The following BMPR1B variants were observed in gnomAD, a reference collection of about 807,000 sequenced individuals.
The protein encoded by BMPR1B is bone morphogenetic protein receptor type-1B.
BMPR1B carries 12 observed loss-of-function variants against 59.1 expected under a neutral mutation model. That is an observed-to-expected ratio of 0.20 (90% CI 0.13 to 0.33). BMPR1B has a LOEUF of 0.33. BMPR1B is among the 10% of genes least tolerant of loss of function. The pLI, the probability that BMPR1B is intolerant of heterozygous loss-of-function variation, is 1.00. For synonymous variants in BMPR1B, 237 were observed against 207.3 expected, an observed-to-expected ratio of 1.14 and a Z score of -1.23; for missense variants, 550 against 610.9, an observed-to-expected ratio of 0.90 and a Z score of 1.05.
At chr4:95,106,964 C>T (rs946379405) in intron 4 of BMPR1B, among the ~76,000 whole-genome samples, 1 of 151,606 alleles carries the variant, frequency 6.6e-6, no homozygotes, top group Non-Finnish European at 1.5e-5. Flanking sequence ...CTACCCAAGG[C>T]ATATTGTTTC....
chr4:94,960,097 CT>C (rs11326735), intron 2 of BMPR1B, among the ~76,000 whole-genome samples: 4,410 of 152,170 alleles, frequency 0.029, 202 homozygotes, highest in African/African-American at 0.1. Context: ...GCTTTTGTCT[CT>C]TTTTACCAAT....
At chr4:94,957,002 G>A (rs962271962) in intron 2 of BMPR1B, among the ~76,000 whole-genome samples, 15 of 152,158 alleles carry the variant, frequency 9.9e-5, no homozygotes, top group Admixed American at 7.9e-4. Context: ...CTTTTAAATT[G>A]TAGATTACTA....
intron 3 of BMPR1B, among the ~76,000 whole-genome samples, chr4:95,069,606 C>A (rs1728122339): frequency 6.6e-6 from 1 of 152,150 alleles, no homozygotes; most frequent in South Asian, 2.1e-4. Flanking sequence ...TTATTTCTCT[C>A]CAAAGTGCTT....
chr4:95,043,003 G>A (rs1292519327), intron 3 of BMPR1B, among the ~76,000 whole-genome samples: 1 of 150,030 alleles, frequency 6.7e-6, no homozygotes, highest in East Asian at 2.0e-4. Context: ...GTGAAACCCC[G>A]TCTCTACTAA....
At chr4:94,981,726 G>A (rs1440570648) in intron 2 of BMPR1B, among the ~76,000 whole-genome samples, 2 of 152,140 alleles carry the variant, frequency 1.3e-5, no homozygotes, top group East Asian at 1.9e-4. Flanking sequence ...TATCCTATGT[G>A]TTTAATTGAA....
At chr4:95,139,896 A>G (rs558421443) in intron 10 of BMPR1B, among the ~76,000 whole-genome samples, 48 of 152,262 alleles carry the variant, frequency 3.2e-4, no homozygotes, top group African/African-American at 1.1e-3. Context: ...GTGAGGCGAT[A>G]TGCCCCACCC....
intron 2 of BMPR1B, among the ~76,000 whole-genome samples, chr4:94,891,475 A>G (rs1273070695): frequency 1.3e-5 from 2 of 152,126 alleles, no homozygotes; most frequent in Non-Finnish European, 2.9e-5. Context: ...ACTTAAAAGT[A>G]AAAACTTAAG....
chr4:95,014,746 A>G (rs1404700312), intron 3 of BMPR1B, among the ~76,000 whole-genome samples: 3 of 152,204 alleles, frequency 2.0e-5, no homozygotes, highest in Non-Finnish European at 2.9e-5. Flanking sequence ...TTAGATTTGT[A>G]GATTTTTACT....
intron 3 of BMPR1B, among the ~76,000 whole-genome samples, chr4:95,022,577 A>G (rs539790974): frequency 3.3e-4 from 50 of 152,206 alleles, no homozygotes; most frequent in Non-Finnish European, 6.5e-4. Flanking sequence ...ATTTATATTT[A>G]TATATTCTTT....
chr4:94,929,324 G>A (rs1280952972), intron 2 of BMPR1B, among the ~76,000 whole-genome samples: 1 of 152,080 alleles, frequency 6.6e-6, no homozygotes, highest in African/African-American at 2.4e-5. Flanking sequence ...TATGTGCCGT[G>A]ACCTATGCTA....
At chr4:94,969,289 C>G (rs1183153472) in intron 2 of BMPR1B, among the ~76,000 whole-genome samples, 1 of 152,112 alleles carries the variant, frequency 6.6e-6, no homozygotes, top group Non-Finnish European at 1.5e-5. Flanking sequence ...CCCGACCCGG[C>G]CTCCCAAAGT....
At chr4:94,881,917 A>G (rs1726988873) in intron 2 of BMPR1B, among the ~76,000 whole-genome samples, 1 of 152,212 alleles carries the variant, frequency 6.6e-6, no homozygotes, top group Admixed American at 6.5e-5. Flanking sequence ...AGTGAAAGGA[A>G]AGACTTAGGG....
chr4:94,841,483 G>T (rs968649695), intron 1 of BMPR1B, among the ~76,000 whole-genome samples: 9 of 152,246 alleles, frequency 5.9e-5, no homozygotes, highest in Non-Finnish European at 8.8e-5. Flanking sequence ...TTTTTAAGCC[G>T]GTCGGAAAAG....
At chr4:95,101,237 C>T (rs1291290435) in intron 3 of BMPR1B, among the ~76,000 whole-genome samples, 1 of 152,166 alleles carries the variant, frequency 6.6e-6, no homozygotes, top group Non-Finnish European at 1.5e-5. Flanking sequence ...AGGCAACATC[C>T]AGTGTGAATG....
intron 2 of BMPR1B, among the ~76,000 whole-genome samples, chr4:94,982,634 A>G (rs964803593): frequency 6.6e-6 from 1 of 152,190 alleles, no homozygotes; most frequent in Admixed American, 6.5e-5. Flanking sequence ...ACTGGCCAAA[A>G]ACAACCATGC....
chr4:95,117,561 TC>T (rs1249867123), intron 6 of BMPR1B, among the ~76,000 whole-genome samples: 1 of 151,596 alleles, frequency 6.6e-6, no homozygotes, highest in Non-Finnish European at 1.5e-5. Context: ...AGTGGGAAGA[TC>T]GCCTGGGCCC....
At chr4:94,970,320 C>CTT (rs1325979656) in intron 2 of BMPR1B, among the ~76,000 whole-genome samples, 12 of 145,748 alleles carry the variant, frequency 8.2e-5, no homozygotes, top group Admixed American at 2.1e-4. Context: ...CTCTCTCTTT[C>CTT]TCTCTTTTTC....
At chr4:94,965,004 A>T (rs1578857973) in intron 2 of BMPR1B, among the ~76,000 whole-genome samples, 1 of 152,086 alleles carries the variant, frequency 6.6e-6, no homozygotes, top group East Asian at 1.9e-4. Context: ...CATCTAAGAA[A>T]TCTTCTGCTA....
intron 6 of BMPR1B, among the ~76,000 whole-genome samples, chr4:95,120,721 CTCTCTCTCTTTCTG>C: frequency 6.8e-6 from 1 of 147,192 alleles, no homozygotes; most frequent in African/African-American, 2.5e-5. Context: ...CTCTCTTTCT[CTCTCTCTCTTTCTG>C]TCTGTCTCTC....
Sources: allele counts gnomAD v4.1 joint callset (sites outside exome capture counted in the v4.1 genomes callset), GRCh38; gene constraint gnomAD v4.1.1; transcripts MANE v1.5; gene names NCBI Gene and HGNC (gene_info 2026-07-23, HGNC 2026-07-21).